GLI1: variants seen among roughly 807,000 people sequenced by gnomAD.
GLI1 encodes the protein transcription activator GLI1.
GLI1 carries 51 observed loss-of-function variants against 87.8 expected under a neutral mutation model. That is an observed-to-expected ratio of 0.58 (90% CI 0.46 to 0.73). The LOEUF is 0.73. Among genes scored for constraint, GLI1 ranks in the 30% least tolerant of loss-of-function variants. GLI1 has a pLI of 0.00. For missense variants in GLI1, 1,292 were observed against 1,437.2 expected, an observed-to-expected ratio of 0.90 and a Z score of 1.63; for synonymous variants, 528 against 558.2, an observed-to-expected ratio of 0.95 and a Z score of 0.76.
Position 57,469,479 on chromosome 12 carries a change from TC to T in GLI1, c.1361del (p.Pro454ArgfsTer14), listed in dbSNP as rs771400496. 3 of 1,613,940 alleles carry T rather than the reference TC, an allele frequency of 1.9e-6. No individual in the cohort carries two copies. The highest frequency in any genetic ancestry group is 2.5e-6 in the Non-Finnish European group (3 of 1,179,958). The stretch of plus-strand genomic sequence containing the variant: ...CCAGTCATCCTGCAGCAGTGACCAC[TC>T]CCCGGCAGGGAGTGCAGCCAATACA... ...GAQSSCSSDH[S>X]PAGSAANTDS... On this transcript the variant is annotated frameshift_variant, in exon 11 of 12. Coordinates refer to ENST00000228682, the MANE Select transcript of GLI1 (RefSeq NM_005269.3). LOFTEE classifies it high-confidence loss of function.
Position 57,462,710 on chromosome 12 carries a change from A to G in GLI1, c.-27-955A>G, listed in dbSNP as rs78179158. 7.9e-3 allele frequency among the ~76,000 whole-genome samples: 1,208 copies of G among 152,250 alleles called. 41 individuals carry two copies. In the East Asian group the frequency reaches 0.086, roughly 11 times the overall value. ...ACACCAGCTTTCACCTTTGTGCCCA[A>G]CAGACCCAGAAGACTCCCCTCAGGA... On this transcript the variant is annotated intron_variant, in intron 1 of 11. Coordinates refer to ENST00000228682, the MANE Select transcript of GLI1 (RefSeq NM_005269.3).
chr12:57,469,581 A>T lies in GLI1; in HGVS notation c.1459A>T (p.Ile487Phe). Residue 487 changes from isoleucine to phenylalanine, a missense_variant, in exon 11 of 12, where the codon ATT becomes TTT. Ile to Phe is a conservative substitution (Grantham distance 21, BLOSUM62 0). Around this residue, in one of 3 missense-constraint regions of GLI1, gnomAD observed 897 missense variants for 1,040.7 expected, o/e 0.86. Coordinates refer to ENST00000228682, the MANE Select transcript of GLI1 (RefSeq NM_005269.3). Reference protein sequence around the residue: ...DLSSLDEGPCIAGTGLSTLRR... With the variant: ...DLSSLDEGPCFAGTGLSTLRR... ...CTCCAGCTTGGACGAGGGACCTTGC[A>T]TTGCTGGCACTGGTCTGTCCACTCT... 6.2e-7 allele frequency: 1 copy of T among 1,614,168 alleles called. No homozygotes were observed. The highest frequency in any genetic ancestry group is 2.2e-5 in the East Asian group (1 of 44,892).
chr12:57,460,892 T>A (rs1251836787), intron 1 of GLI1, among the ~76,000 whole-genome samples: 1 of 151,978 alleles, frequency 6.6e-6, no homozygotes, highest in Non-Finnish European at 1.5e-5. Context: ...GGAGACCTTG[T>A]CTTGACCCTC....
chr12:57,465,216 C>G lies in GLI1; in HGVS notation c.495C>G (p.Ile165Met). 1.9e-6 allele frequency: 3 copies of G among 1,613,666 alleles called. No individual in the cohort carries two copies. The highest frequency in any genetic ancestry group is 2.2e-5 in the South Asian group (2 of 91,052). Residue 165 changes from isoleucine to methionine, a missense_variant, in exon 5 of 12, where the codon ATC becomes ATG. By Grantham distance (10) the Ile-to-Met change is conservative. Transcript: ENST00000228682. ...ATGACTCTGCCCGGGGTGGGATGAT[C>G]CCACATCCTCAGTCCCGGGGACCCT... ...GPHDSARGGM[I>M]PHPQSRGPFP...
chr12:57,465,379 G>A (rs1216709247), intron 5 of GLI1, 124 bp downstream of exon 5: 1 of 921,426 alleles, frequency 1.1e-6, no homozygotes, highest in Non-Finnish European at 1.6e-6. Context: ...AAGTAAAGAG[G>A]TGTGGGTGCT....
intron 11 of GLI1, 146 bp from the exon 12 acceptor site, chr12:57,470,171 C>T: frequency 1.5e-6 from 1 of 675,398 alleles, no homozygotes; most frequent in East Asian, 2.5e-5. Flanking sequence ...ACAGAATAGG[C>T]ATGGGAGAAG....
In GLI1 at chr12:57,471,339, C is replaced by T; in HGVS notation, c.2599C>T (p.Gln867Ter). The T allele has an allele frequency of 6.3e-7, 1 of 1,581,342 alleles. No homozygotes were observed. Among genetic ancestry groups the T allele is most frequent in the Non-Finnish European group, 8.6e-7 (1 of 1,162,908 alleles). ...PQYLQSGPYT[Q>*]PPPDYLPSEP... ...ATATCTCCAGTCAGGCCCCTATACC[C>T]AGCCACCCCCTGATTATCTTCCTTC... The change falls in exon 12 of 12, where the codon CAG becomes TAG. Residue 867 changes from glutamine to a stop codon, truncating the protein, a stop_gained. Transcript: ENST00000228682. LOFTEE classifies it high-confidence loss of function. This position sits in a 1 kb window ranked among gnomAD's most constrained non-coding sequence, Gnocchi z 4.9.
intron 3 of GLI1, 145 bp downstream of exon 3, chr12:57,464,236 G>A (rs1871326990): frequency 7.4e-6 from 5 of 672,298 alleles, no homozygotes; most frequent in South Asian, 6.8e-5. Flanking sequence ...GTCACAGATG[G>A]GGCCGGGCGC....
At chr12:57,465,486 C>T in intron 5 of GLI1, 121 bp from the exon 6 acceptor site, 2 of 856,844 alleles carry the variant, frequency 2.3e-6, no homozygotes. Context: ...GAAGTCCCTT[C>T]CAAACCCAGG....
At chr12:57,469,316 C>T in intron 10 of GLI1, 115 bp from the exon 11 acceptor site, 1 of 1,032,014 alleles carries the variant, frequency 9.7e-7, no homozygotes, top group Admixed American at 2.3e-5. Context: ...GCCCTTTCTA[C>T]ACTTACAAGC....
At chr12:57,469,736 T>C in intron 11 of GLI1, 38 bp downstream of exon 11, 1 of 1,601,558 alleles carries the variant, frequency 6.2e-7, no homozygotes, top group Non-Finnish European at 8.5e-7. Flanking sequence ...TGGGGTGAGA[T>C]CTGGACCTGC....
At chr12:57,468,939 A>G (rs1871684413) in intron 10 of GLI1, among the ~76,000 whole-genome samples, 1 of 152,126 alleles carries the variant, frequency 6.6e-6, no homozygotes, top group South Asian at 2.1e-4. Context: ...TTTTTAGTAG[A>G]CATGGGGTTT....
In GLI1 at chr12:57,470,439, C is replaced by T. The variant is rs368138761; in HGVS notation, c.1699C>T (p.Pro567Ser). 95 of 1,614,178 alleles carry T rather than the reference C, an allele frequency of 5.9e-5. 1 individual carries two copies. The South Asian group carries it at 8.2e-4, about 14-fold the overall frequency. ...CTCCTCCCTGGCCTCTCCTTTCCCC[C>T]CTGGCTCCCCACCAGAGAATGGAGC... ...RRSSLASPFP[P>S]GSPPENGASS... The change falls in exon 12 of 12, where the codon CCT (proline) becomes TCT (serine). Residue 567 changes from proline to serine, a missense_variant. By Grantham distance (74) the Pro-to-Ser change is moderately conservative (BLOSUM62 -1). Around this residue, in one of 3 missense-constraint regions of GLI1, gnomAD observed 897 missense variants for 1,040.7 expected, o/e 0.86. Coordinates refer to ENST00000228682, the MANE Select transcript of GLI1 (RefSeq NM_005269.3).
Position 57,465,619 on chromosome 12 carries a change from C to T in GLI1, c.547C>T (p.Leu183=), listed in dbSNP as rs763221313. Residue 183 remains leucine (L), a synonymous_variant, in exon 6 of 12, where the codon CTG becomes TTG. Transcript: ENST00000228682. ...TCCCCTGGGGAAGCTGAAGTCTGAG[C>T]TGGACATGCTGGTTGGCAAGTGCCG... is the stretch of plus-strand genomic sequence containing the variant. ...PFPTCQLKSE[L]DMLVGKCREE... The T allele has an allele frequency of 1.9e-5, 31 of 1,613,722 alleles. 1 individual carries two copies. In the South Asian group the frequency reaches 3.1e-4, roughly 16 times the overall value.
Position 57,471,251 on chromosome 12 carries a change from C to T in GLI1, c.2511C>T (p.Pro837=). The T allele has an allele frequency of 6.2e-7, 1 of 1,602,058 alleles. No homozygotes were observed. Among genetic ancestry groups the T allele is most frequent in the Non-Finnish European group, 8.5e-7 (1 of 1,174,058 alleles). Residue 837 remains proline, a synonymous_variant, in exon 12 of 12, where the codon CCC becomes CCT. Transcript: ENST00000228682. The surrounding 1 kb of genome is among the most constrained non-coding windows in gnomAD (Gnocchi z 4.9). ...TGLAPCLNAH[P]SEGPPHPQPL... is the part of the protein sequence containing the mutation. ...TGGCACCCTGCCTCAATGCCCACCCCAGTGAGGGGCCCCCACATCCACAGC... is the reference window on the plus strand; with the variant it reads ...TGGCACCCTGCCTCAATGCCCACCCTAGTGAGGGGCCCCCACATCCACAGC...
Position 57,464,003 on chromosome 12 carries a change from G to A in GLI1, c.105G>A (p.Leu35=), listed in dbSNP as rs150582481. The change falls in exon 3 of 12, where the codon CTG becomes CTA. Residue 35 remains leucine, a synonymous_variant. Transcript: ENST00000228682. ...QGAPSVGTEG[L]SGPPFCHQAN... ...CCAGCTGTCTCTTTTTTCTAGGACT[G>A]TCTGGCCCGCCCTTCTGCCACCAAG... 4 of 1,612,472 alleles carry A rather than the reference G, an allele frequency of 2.5e-6. No homozygotes were observed. In the African/African-American group the frequency reaches 5.3e-5, roughly 22 times the overall value.
In GLI1 at chr12:57,471,497, C is replaced by G; in HGVS notation, c.2757C>G (p.Pro919=). 1 of 1,609,764 alleles carries G rather than the reference C, an allele frequency of 6.2e-7. No individual in the cohort carries two copies. The highest frequency in any genetic ancestry group is 8.5e-7 in the Non-Finnish European group (1 of 1,178,076). ...LWEGGGREDA[P]AQEPSYQSPK... is the part of the protein sequence containing the mutation. ...AGGGTGGGGGCAGGGAAGATGCCCCCGCCCAGGAACCTTCCTACCAGAGTC... is the reference window on the plus strand; with the variant it reads ...AGGGTGGGGGCAGGGAAGATGCCCCGGCCCAGGAACCTTCCTACCAGAGTC... The change falls in exon 12 of 12, where the codon CCC becomes CCG. Residue 919 remains proline, a synonymous_variant. Coordinates refer to ENST00000228682, the MANE Select transcript of GLI1 (RefSeq NM_005269.3). This position sits in a 1 kb window ranked among gnomAD's most constrained non-coding sequence, Gnocchi z 4.9.
Position 57,471,381 on chromosome 12 carries a change from C to G in GLI1, c.2641C>G (p.Leu881Val), listed in dbSNP as rs778095108. 1.2e-6 allele frequency: 2 copies of G among 1,610,438 alleles called. No individual in the cohort carries two copies. Among genetic ancestry groups the G allele is most frequent in the Admixed American group, 1.7e-5 (1 of 59,236 alleles). Reference protein sequence around the residue: ...DYLPSEPRPCLDFDSPTHSTG... With the variant: ...DYLPSEPRPCVDFDSPTHSTG... Reference sequence around the variant, plus strand: ...TCTTCCTTCAGAACCCAGGCCTTGCCTGGACTTTGATTCCCCCACCCATTC... The same window carrying G: ...TCTTCCTTCAGAACCCAGGCCTTGCGTGGACTTTGATTCCCCCACCCATTC... Residue 881 changes from leucine (L) to valine (V), a missense_variant, in exon 12 of 12, where the codon CTG becomes GTG. Around this residue, in one of 3 missense-constraint regions of GLI1, gnomAD observed 897 missense variants for 1,040.7 expected, o/e 0.86. Transcript: ENST00000228682. This position sits in a 1 kb window ranked among gnomAD's most constrained non-coding sequence, Gnocchi z 4.9.
intron 10 of GLI1, among the ~76,000 whole-genome samples, chr12:57,469,047 C>T (rs568965442): frequency 7.9e-5 from 12 of 152,144 alleles, no homozygotes; most frequent in Non-Finnish European, 1.5e-4. Context: ...CCACTGCACC[C>T]GGCAACTCTT....
Sources: allele counts gnomAD v4.1 joint callset (sites outside exome capture counted in the v4.1 genomes callset), GRCh38; gene constraint gnomAD v4.1.1; regional missense constraint gnomAD v4.1.1; non-coding constraint Gnocchi (gnomAD v3.1); transcripts MANE v1.5; gene names NCBI Gene and HGNC (gene_info 2026-07-23, HGNC 2026-07-21).